The following SUCO variants were observed in gnomAD, a reference collection of about 807,000 sequenced individuals.
SUCO encodes SUN domain-containing ossification factor.
A neutral mutation model predicts 148.1 loss-of-function variants in SUCO; 57 were observed. That is an observed-to-expected ratio of 0.38 (90% CI 0.31 to 0.48). The LOEUF (loss-of-function observed/expected upper bound fraction) is 0.48. SUCO is among the 20% of genes least tolerant of loss of function. SUCO has a pLI of 0.96. For synonymous variants in SUCO, 470 were observed against 502.7 expected (o/e 0.93, Z 0.87); for missense variants, 1,331 against 1,468.2 (o/e 0.91, Z 1.53).
upstream of SUCO, chr1:172,532,555 G>A (rs189134304): frequency 3.7e-6 from 6 of 1,613,870 alleles, no homozygotes; most frequent in South Asian, 4.4e-5. Context: ...CAGGGAAAGG[G>A]CTTGGTGCAG....
chr1:172,577,125 ATGTG>A, intron 11 of SUCO: 17 of 385,764 alleles, frequency 4.4e-5, no homozygotes, highest in Non-Finnish European at 5.3e-5. Flanking sequence ...ATATATGTAT[ATGTG>A]CATATATATC....
chr1:172,569,897 T>A (rs1654823694), intron 7 of SUCO, 150 bp from the exon 8 acceptor site: 3 of 722,076 alleles, frequency 4.2e-6, no homozygotes, highest in Admixed American at 4.6e-5. Flanking sequence ...TTGATTTTTT[T>A]ATGAATTTTT....
intron 19 of SUCO, among the ~76,000 whole-genome samples, chr1:172,591,284 T>A (rs75217971): frequency 2.0e-5 from 3 of 152,056 alleles, no homozygotes; most frequent in Non-Finnish European, 2.9e-5. Context: ...ATTTTTTTTT[T>A]AATTATACTT....
chr1:172,610,508 T>C lies in SUCO; in HGVS notation c.*249T>C. ...TTTATAAAGATGTTTTTTCACAAGA[T>C]TAATTACTGGGACAAAAGTAATTTG... On this transcript the variant is annotated 3_prime_UTR_variant, in exon 24 of 24. Transcript: ENST00000263688. The C allele has an allele frequency of 2.4e-6, 1 of 408,796 alleles. No homozygotes were observed. Among genetic ancestry groups the C allele is most frequent in the Non-Finnish European group, 3.9e-6 (1 of 254,440 alleles). The allele number at this position is 408,796 out of a possible 1,614,324, so 25.3% of individuals were successfully genotyped here. A position where few individuals can be genotyped will look rare whatever the true frequency, so the allele number is the denominator to read the frequency against.
chr1:172,570,759 A>C lies in SUCO; in HGVS notation c.1049+29A>C, dbSNP rs764843354. 7 of 1,306,982 alleles carry C rather than the reference A, an allele frequency of 5.4e-6. No homozygotes were observed. The Admixed American group carries it at 7.0e-5, about 13-fold the overall frequency. 81.0% of individuals were successfully genotyped at this position (1,306,982 alleles called of 1,614,324 possible). ...AGTTATACACAATTTTAAAAAGTAC[A>C]TTCTACATATATATGCATATTATGT... On this transcript the variant is annotated intron_variant, in intron 9 of 23. Coordinates refer to ENST00000263688, the MANE Select transcript of SUCO (RefSeq NM_014283.5).
chr1:172,551,938 A>G (rs2149228174), intron 2 of SUCO: 1 of 167,440 alleles, frequency 6.0e-6, no homozygotes, highest in East Asian at 1.7e-4. Context: ...AAGAAACCCC[A>G]ATTTTGCAAA....
At chr1:172,593,022 T>C (rs1442343649) in intron 19 of SUCO, among the ~76,000 whole-genome samples, 1 of 152,232 alleles carries the variant, frequency 6.6e-6, no homozygotes, top group African/African-American at 2.4e-5. Context: ...AGGTATTTTA[T>C]TCTCTTTGAA....
intron 10 of SUCO, 103 bp from the exon 11 acceptor site, chr1:172,575,415 G>A (rs1655360361): frequency 4.1e-6 from 3 of 731,426 alleles, no homozygotes; most frequent in Non-Finnish European, 4.4e-6. Context: ...AAGTCAGCGT[G>A]TTCACCTGGA....
chr1:172,562,808 G>T (rs752328516), intron 6 of SUCO, among the ~76,000 whole-genome samples: 1 of 152,182 alleles, frequency 6.6e-6, no homozygotes, highest in Admixed American at 6.5e-5. Context: ...GTTTAGCTCT[G>T]TGTCGCCACC....
At chr1:172,558,928 A>C (rs1427630954) in intron 6 of SUCO, among the ~76,000 whole-genome samples, 2 of 152,238 alleles carry the variant, frequency 1.3e-5, no homozygotes, top group African/African-American at 4.8e-5. Context: ...TTGTGAGTCT[A>C]TGCTAATCGG....
At chr1:172,601,721 C>T (rs1307626834) in intron 20 of SUCO, among the ~76,000 whole-genome samples, 9 of 151,978 alleles carry the variant, frequency 5.9e-5, no homozygotes, top group Admixed American at 5.9e-4. Context: ...GGTAAAAGCA[C>T]AATTATTTTT....
chr1:172,571,261 G>A (rs1328189771), intron 9 of SUCO, among the ~76,000 whole-genome samples: 3 of 152,254 alleles, frequency 2.0e-5, no homozygotes, highest in African/African-American at 7.2e-5. Flanking sequence ...GGGTTTCGCT[G>A]TGTTGGCCGG....
At chr1:172,561,768 T>TC (rs1464238726) in intron 6 of SUCO, among the ~76,000 whole-genome samples, 5 of 152,244 alleles carry the variant, frequency 3.3e-5, no homozygotes, top group Admixed American at 1.3e-4. Context: ...GTCCCCTGAC[T>TC]CCAAGTCCCC....
intron 19 of SUCO, among the ~76,000 whole-genome samples, chr1:172,597,359 G>A (rs773053173): frequency 2.0e-4 from 30 of 152,174 alleles, no homozygotes; most frequent in Admixed American, 4.6e-4. Flanking sequence ...CGTCTTCTGC[G>A]TCGCTGATGC....
chr1:172,542,238 C>T lies in SUCO; in HGVS notation c.62+8741C>T, dbSNP rs191983872. Among the ~76,000 whole-genome samples the T allele has an allele frequency of 4.3e-3, 652 of 152,106 alleles. 5 individuals carry two copies. The highest frequency in any genetic ancestry group is 0.02 in the South Asian group (95 of 4,814). On this transcript the variant is annotated intron_variant, in intron 1 of 23. Coordinates refer to ENST00000263688, the MANE Select transcript of SUCO (RefSeq NM_014283.5). ...CTACTAAAAAAAATAGAAAATTAGC[C>T]GGGCATGGTAGCGCATGCCTGTAAT...
At chr1:172,533,790 C>A (rs1057514062) in intron 1 of SUCO, among the ~76,000 whole-genome samples, 1 of 152,114 alleles carries the variant, frequency 6.6e-6, no homozygotes, top group African/African-American at 2.4e-5. Context: ...CCCTTGGAGA[C>A]GGTGCAGGGT....
intron 19 of SUCO, among the ~76,000 whole-genome samples, chr1:172,597,233 C>G (rs922968860): frequency 3.3e-5 from 5 of 152,262 alleles, no homozygotes; most frequent in African/African-American, 1.2e-4. Flanking sequence ...CCTTGCACTT[C>G]CCGGGTGTGG....
intron 15 of SUCO, 94 bp downstream of exon 15, chr1:172,579,361 C>T: frequency 1.4e-6 from 1 of 700,072 alleles, no homozygotes; most frequent in South Asian, 1.9e-5. Flanking sequence ...AGAATTCTCC[C>T]AGTGTTGAAC....
At chr1:172,587,474 TTC>T (rs1447229338) in intron 17 of SUCO, among the ~76,000 whole-genome samples, 3 of 152,108 alleles carry the variant, frequency 2.0e-5, no homozygotes, top group African/African-American at 7.2e-5. Context: ...AATATAATTT[TTC>T]TCTCTCCCCT....
Sources: allele counts gnomAD v4.1 joint callset (sites outside exome capture counted in the v4.1 genomes callset), GRCh38; gene constraint gnomAD v4.1.1; transcripts MANE v1.5; gene names NCBI Gene and HGNC (gene_info 2026-07-23, HGNC 2026-07-21).